PRKD1: variants seen among roughly 807,000 people sequenced by gnomAD.
The protein encoded by PRKD1 is protein kinase D1.
A neutral mutation model predicts 95.9 loss-of-function variants in PRKD1; 63 were observed. The ratio of observed to expected loss-of-function variants is 0.66; its 90% CI spans 0.54 to 0.81. The LOEUF is 0.81. Among genes scored for constraint, PRKD1 ranks in the 30% least tolerant of loss-of-function variants. The pLI, the probability that PRKD1 is intolerant of heterozygous loss-of-function variation, is 0.00. For missense variants in PRKD1, 1,048 were observed against 1,165.3 expected, an observed-to-expected ratio of 0.90 and a Z score of 1.47; for synonymous variants, 425 against 423.1, an observed-to-expected ratio of 1.00 and a Z score of -0.05.
At chr14:29,772,694 T>A (rs926012143) in intron 1 of PRKD1, among the ~76,000 whole-genome samples, 5 of 152,190 alleles carry the variant, frequency 3.3e-5, no homozygotes, top group African/African-American at 7.2e-5. Context: ...ACTGTACACA[T>A]TAGATCAGCA....
At chr14:29,867,231 C>T (rs1953207) in intron 1 of PRKD1, among the ~76,000 whole-genome samples, 42,951 of 147,644 alleles carry the variant, frequency 0.29, 6,181 homozygotes, top group East Asian at 0.36. Context: ...ATGTTTAGAA[C>T]TGTTAATGTA....
intron 1 of PRKD1, among the ~76,000 whole-genome samples, chr14:29,906,944 A>G (rs1894516381): frequency 1.3e-5 from 2 of 152,178 alleles, no homozygotes; most frequent in Non-Finnish European, 2.9e-5. Flanking sequence ...CAGGCTTTTT[A>G]TTATTCGCAT....
chr14:29,757,721 A>C (rs1248275509), intron 1 of PRKD1, among the ~76,000 whole-genome samples: 2 of 152,020 alleles, frequency 1.3e-5, no homozygotes, highest in Non-Finnish European at 1.5e-5. Flanking sequence ...TAAAAAAATA[A>C]AACAGGGCCT....
Position 29,577,435 on chromosome 14 carries a change from A to C in PRKD1, c.2542T>G (p.Leu848Val). ...WLQDYQTWLD[L>V]RELECKIGER... ...CCGATTTTGCATTCCAGCTCTCGCA[A>C]ATCTAACCAGGTCTGATAGTCCTGA... is the stretch of plus-strand genomic sequence containing the variant. Residue 848 changes from leucine to valine, a missense_variant, in exon 18 of 18, where the codon TTG (leucine) becomes GTG (valine). Physicochemically the swap from Leu to Val is conservative, Grantham distance 32. Around this residue, in one of 3 missense-constraint regions of PRKD1, gnomAD observed 739 missense variants for 861.9 expected, o/e 0.86. Coordinates refer to ENST00000331968, the MANE Select transcript of PRKD1 (RefSeq NM_002742.3). 6.2e-7 allele frequency: 1 copy of C among 1,613,736 alleles called. No individual in the cohort carries two copies. Among genetic ancestry groups the C allele is most frequent in the Non-Finnish European group, 8.5e-7 (1 of 1,179,770 alleles).
At chr14:29,636,182 C>A in intron 7 of PRKD1, 108 bp downstream of exon 7, 1 of 1,306,434 alleles carries the variant, frequency 7.7e-7, no homozygotes, top group Non-Finnish European at 1.1e-6. Flanking sequence ...TAAAAGTAAA[C>A]GTGCACTTCA....
chr14:29,856,763 C>A (rs147253228), intron 1 of PRKD1, among the ~76,000 whole-genome samples: 301 of 152,288 alleles, frequency 2.0e-3, no homozygotes, highest in African/African-American at 6.7e-3. Flanking sequence ...GACTCCCGGG[C>A]ACATCTCTGA....
intron 2 of PRKD1, among the ~76,000 whole-genome samples, chr14:29,685,175 G>A (rs1362258268): frequency 6.6e-6 from 1 of 152,154 alleles, no homozygotes; most frequent in Non-Finnish European, 1.5e-5. Flanking sequence ...CTTGGTAGAA[G>A]CTTGACTGCC....
At chr14:29,763,426 G>A (rs1206004530) in intron 1 of PRKD1, among the ~76,000 whole-genome samples, 65 of 100,108 alleles carry the variant, frequency 6.5e-4, no homozygotes, top group Admixed American at 1.1e-3. Flanking sequence ...GGAGGGGAAG[G>A]GAGGGGGAGG....
intron 1 of PRKD1, among the ~76,000 whole-genome samples, chr14:29,753,141 T>C (rs1887553343): frequency 6.6e-6 from 1 of 152,232 alleles, no homozygotes; most frequent in East Asian, 1.9e-4. Context: ...ATGTGAATGA[T>C]GGTGTGGAAG....
chr14:29,917,873 G>A (rs1894945537), intron 1 of PRKD1, among the ~76,000 whole-genome samples: 1 of 152,102 alleles, frequency 6.6e-6, no homozygotes, highest in Admixed American at 6.6e-5. Context: ...GCTATGAACT[G>A]AAGAGTATGA....
At chr14:29,733,430 A>C (rs1029826694) in intron 1 of PRKD1, among the ~76,000 whole-genome samples, 4 of 152,066 alleles carry the variant, frequency 2.6e-5, no homozygotes, top group Non-Finnish European at 5.9e-5. Context: ...TGTGATGTCT[A>C]ATCTGCCATT....
In PRKD1 at chr14:29,631,022, CTGTG is replaced by C; in HGVS notation, c.1393-5_1393-2del. The C allele has an allele frequency of 6.3e-7, 1 of 1,594,022 alleles. No homozygotes were observed. Among genetic ancestry groups the C allele is most frequent in the Admixed American group, 1.8e-5 (1 of 56,900 alleles). On this transcript the variant is annotated splice_acceptor_variant and splice_polypyrimidine_tract_variant and intron_variant, in intron 9 of 17. Transcript: ENST00000331968. LOFTEE classifies it high-confidence loss of function. ...ACAAAATTTCAGATAAAGGAATTTCCTGTGAAAGAAAAAAAGTACTAAATGTTGT... is the reference window on the plus strand; with the variant it reads ...ACAAAATTTCAGATAAAGGAATTTCCAAAGAAAAAAAGTACTAAATGTTGT...
intron 1 of PRKD1, among the ~76,000 whole-genome samples, chr14:29,762,835 C>T (rs576618155): frequency 5.1e-4 from 78 of 152,260 alleles, no homozygotes; most frequent in Non-Finnish European, 1.0e-3. Context: ...CCTCCACCTC[C>T]TGGGTTCCAG....
chr14:29,903,580 G>T (rs1894395287), intron 1 of PRKD1, among the ~76,000 whole-genome samples: 1 of 152,138 alleles, frequency 6.6e-6, no homozygotes, highest in African/African-American at 2.4e-5. Flanking sequence ...GATATCCCCT[G>T]ACAGGGAGAG....
intron 1 of PRKD1, among the ~76,000 whole-genome samples, chr14:29,852,535 G>GGAGAGAGA (rs34211278): frequency 6.7e-5 from 10 of 149,228 alleles, no homozygotes; most frequent in African/African-American, 1.2e-4. Flanking sequence ...ACCAGAAGGA[G>GGAGAGAGA]GAGAGAGAGA....
intron 2 of PRKD1, among the ~76,000 whole-genome samples, chr14:29,706,209 C>G (rs1885081791): frequency 6.6e-6 from 1 of 152,068 alleles, no homozygotes; most frequent in South Asian, 2.1e-4. Context: ...TGCTGAGCAC[C>G]TTTTCATGTG....
chr14:29,591,194 A>C (rs1893114025), intron 16 of PRKD1: 1 of 152,092 alleles, frequency 6.6e-6, no homozygotes, highest in South Asian at 2.1e-4. Context: ...TTTCTTCTTT[A>C]TTCCTGAAAA....
chr14:29,627,911 T>A (rs1879731247), intron 11 of PRKD1, among the ~76,000 whole-genome samples: 1 of 152,212 alleles, frequency 6.6e-6, no homozygotes, highest in Non-Finnish European at 1.5e-5. Flanking sequence ...ACTTCATCTG[T>A]TAAGAGAAGT....
intron 1 of PRKD1, among the ~76,000 whole-genome samples, chr14:29,766,008 T>C (rs1409209490): frequency 6.6e-6 from 1 of 152,122 alleles, no homozygotes; most frequent in African/African-American, 2.4e-5. Flanking sequence ...CTTTGTAGAC[T>C]TTCCTGGGTA....
Sources: allele counts gnomAD v4.1 joint callset (sites outside exome capture counted in the v4.1 genomes callset), GRCh38; gene constraint gnomAD v4.1.1; regional missense constraint gnomAD v4.1.1; transcripts MANE v1.5; gene names NCBI Gene and HGNC (gene_info 2026-07-23, HGNC 2026-07-21).